FMN1: variants seen among roughly 807,000 people sequenced by gnomAD.
The protein encoded by FMN1 is formin 1, also known as formin-1.
FMN1 carries 110 observed loss-of-function variants against 132.4 expected under a neutral mutation model. That is an observed-to-expected ratio of 0.83 (90% confidence interval 0.71 to 0.97). The LOEUF is 0.97. FMN1 is among the 50% of genes least tolerant of loss of function. The pLI is 0.00. For missense variants in FMN1, 1,792 were observed against 1,705.3 expected (o/e 1.05, Z -0.90); for synonymous variants, 722 against 651.7 (o/e 1.11, Z -1.64).
chr15:32,842,063 A>G (rs1221297327), intron 17 of FMN1, among the ~76,000 whole-genome samples: 1 of 152,168 alleles, frequency 6.6e-6, no homozygotes, highest in South Asian at 2.1e-4. Flanking sequence ...GGTGGCGTCT[A>G]TTCACTCCCT....
chr15:32,861,488 T>C (rs2059267135), intron 16 of FMN1, among the ~76,000 whole-genome samples: 1 of 152,164 alleles, frequency 6.6e-6, no homozygotes, highest in Non-Finnish European at 1.5e-5. Flanking sequence ...GGCTTGTTTT[T>C]CTCATCTGCA....
chr15:32,902,663 C>CTAGG (rs773378605), intron 12 of FMN1, among the ~76,000 whole-genome samples: 1 of 152,190 alleles, frequency 6.6e-6, no homozygotes, highest in African/African-American at 2.4e-5. Flanking sequence ...ATTAAGTAGA[C>CTAGG]AACCTAAAGT....
At chr15:32,959,174 T>C (rs1020510625) in intron 9 of FMN1, among the ~76,000 whole-genome samples, 3 of 152,258 alleles carry the variant, frequency 2.0e-5, no homozygotes, top group East Asian at 3.9e-4. Context: ...TCAGTCATTA[T>C]AAAAAGACCT....
chr15:32,830,167 A>T (rs1452341701), intron 17 of FMN1, among the ~76,000 whole-genome samples: 1 of 152,196 alleles, frequency 6.6e-6, no homozygotes, highest in Non-Finnish European at 1.5e-5. Flanking sequence ...AAAGTAAAAA[A>T]AAAAAAGTAA....
intron 6 of FMN1, among the ~76,000 whole-genome samples, chr15:33,059,345 A>G (rs2037377502): frequency 6.6e-6 from 1 of 152,224 alleles, no homozygotes; most frequent in South Asian, 2.1e-4. Context: ...GAATAGTTCT[A>G]CAATGAACAT....
chr15:32,812,044 A>C (rs1358682856), intron 17 of FMN1, among the ~76,000 whole-genome samples: 1 of 150,564 alleles, frequency 6.6e-6, no homozygotes, highest in East Asian at 1.9e-4. Context: ...ACAAACAAAC[A>C]AACAAAACCA....
At chr15:32,858,515 TC>T (rs2059187945) in intron 16 of FMN1, among the ~76,000 whole-genome samples, 1 of 152,216 alleles carries the variant, frequency 6.6e-6, no homozygotes, top group South Asian at 2.1e-4. Flanking sequence ...GGATGCTAGG[TC>T]ACAGGACAGG....
intron 5 of FMN1, among the ~76,000 whole-genome samples, chr15:33,077,432 G>A (rs1340637553): frequency 2.0e-5 from 3 of 148,962 alleles, no homozygotes; most frequent in Non-Finnish European, 4.4e-5. Flanking sequence ...TGTTACATAT[G>A]TATACATGTG....
At chr15:32,904,910 A>T (rs751395223) in intron 12 of FMN1, among the ~76,000 whole-genome samples, 15 of 152,210 alleles carry the variant, frequency 9.9e-5, no homozygotes, top group Non-Finnish European at 2.2e-4. Context: ...CCACAAGAGC[A>T]AACACAGTAA....
At chr15:33,006,486 C>A (rs766851335) in intron 7 of FMN1, among the ~76,000 whole-genome samples, 2 of 151,966 alleles carry the variant, frequency 1.3e-5, no homozygotes, top group African/African-American at 4.8e-5. Context: ...GGAGGCTCTT[C>A]AAAAAAATTA....
intron 2 of FMN1, among the ~76,000 whole-genome samples, chr15:33,191,124 C>T (rs752009521): frequency 2.0e-5 from 3 of 150,378 alleles, no homozygotes; most frequent in Non-Finnish European, 2.9e-5. Flanking sequence ...GTGTTGAGAC[C>T]GTGCCACTGC....
At chr15:33,188,663 G>C (rs545734527) in intron 2 of FMN1, among the ~76,000 whole-genome samples, 1 of 152,114 alleles carries the variant, frequency 6.6e-6, no homozygotes, top group East Asian at 1.9e-4. Flanking sequence ...CAATGTGGCA[G>C]CTATTGATAC....
At chr15:32,941,027 G>A (rs1596315911) in intron 9 of FMN1, among the ~76,000 whole-genome samples, 1 of 78,770 alleles carries the variant, frequency 1.3e-5, no homozygotes. Context: ...CAAAAGCCCC[G>A]GCCCACAGGT....
At position 32,773,401 on chromosome 15, in the gene FMN1, A is replaced by G. The variant is rs1226233004; in HGVS notation, c.*909T>C. On this transcript the variant is annotated 3_prime_UTR_variant, in exon 21 of 21. Coordinates refer to ENST00000616417, the MANE Select transcript of FMN1 (RefSeq NM_001277313.2). The stretch of plus-strand genomic sequence containing the variant: ...GCTGCACAGTCACAGCACATAACGT[A>G]GAACTCGGCTGCGTATCAACACAAC... The G allele has an allele frequency of 6.6e-6, 1 of 152,222 alleles. No individual in the cohort carries two copies. Among genetic ancestry groups the G allele is most frequent in the Admixed American group, 6.5e-5 (1 of 15,282 alleles). 9.4% of individuals were successfully genotyped at this position (152,222 alleles called of 1,614,324 possible). A position where few individuals can be genotyped will look rare whatever the true frequency, so the allele number is the denominator to read the frequency against.
At chr15:32,841,699 A>G (rs751884250) in intron 17 of FMN1, among the ~76,000 whole-genome samples, 3 of 152,170 alleles carry the variant, frequency 2.0e-5, no homozygotes, top group African/African-American at 4.8e-5. Flanking sequence ...ATGAAGCTGT[A>G]TATTTCCTTC....
intron 4 of FMN1, chr15:33,150,522 A>G: frequency 7.1e-6 from 7 of 985,428 alleles, no homozygotes; most frequent in Non-Finnish European, 8.4e-6. Context: ...TACAAACCCA[A>G]CAGAAGGTGC....
In FMN1 at chr15:32,815,848, C is replaced by T. The variant is rs957721418; in HGVS notation, c.3929-11516G>A. Among the ~76,000 whole-genome samples, 4 of 152,198 alleles carry T rather than the reference C, an allele frequency of 2.6e-5. No individual in the cohort carries two copies. In the South Asian group the frequency reaches 8.3e-4, roughly 31 times the overall value. Reference sequence around the variant, plus strand: ...TGCTATGATACTAAATTCTTAGGTTCTACACTGTGGATTAACAGTGGAGCC... The same window carrying T: ...TGCTATGATACTAAATTCTTAGGTTTTACACTGTGGATTAACAGTGGAGCC... On this transcript the variant is annotated intron_variant, in intron 17 of 20. Transcript: ENST00000616417.
intron 9 of FMN1, among the ~76,000 whole-genome samples, chr15:32,945,986 G>A (rs1274233203): frequency 6.6e-6 from 1 of 150,442 alleles, no homozygotes; most frequent in African/African-American, 2.5e-5. Context: ...TTAATTTTCT[G>A]GCTAACAGCT....
intron 6 of FMN1, among the ~76,000 whole-genome samples, chr15:33,060,014 T>C (rs565646965): frequency 6.6e-6 from 1 of 152,324 alleles, no homozygotes; most frequent in East Asian, 1.9e-4. Context: ...CTTAGCACAA[T>C]ACACTTCACC....
Sources: gnomAD v4.1 joint callset for allele counts (sites outside exome capture counted in the v4.1 genomes callset) on GRCh38, gnomAD v4.1.1 for gene constraint, MANE v1.5 for transcripts, NCBI Gene and HGNC (gene_info 2026-07-23, HGNC 2026-07-21) for gene names.